The following NRXN3 variants were observed in gnomAD, a reference collection of about 807,000 sequenced individuals.
NRXN3 encodes neurexin 3, also known as neurexin III.
Under a neutral mutation model 137.6 loss-of-function variants are expected in NRXN3, and 32 were observed. The ratio of observed to expected loss-of-function variants is 0.23; its 90% CI spans 0.18 to 0.31. The LOEUF (loss-of-function observed/expected upper bound fraction) is 0.31. Among genes scored for constraint, NRXN3 ranks in the 10% least tolerant of loss-of-function variants. NRXN3 has a pLI of 1.00. For synonymous variants in NRXN3, 798 were observed against 784.5 expected, an observed-to-expected ratio of 1.02 and a Z score of -0.29; for missense variants, 1,574 against 2,062.5, an observed-to-expected ratio of 0.76 and a Z score of 4.59.
intron 4 of NRXN3, among the ~76,000 whole-genome samples, chr14:78,302,559 A>G (rs768981566): frequency 6.6e-6 from 1 of 152,002 alleles, no homozygotes; most frequent in Non-Finnish European, 1.5e-5. Context: ...CCTTCTAGCT[A>G]CCTCTCTACA....
intron 1 of NRXN3, among the ~76,000 whole-genome samples, chr14:78,191,954 C>T (rs1025467253): frequency 1.5e-4 from 23 of 152,046 alleles, no homozygotes; most frequent in African/African-American, 4.1e-4. Context: ...GAGATCATGC[C>T]AGCTGGGCCA....
chr14:78,380,046 A>G lies in NRXN3; in HGVS notation c.757+82186A>G, dbSNP rs1455729987. ...ATCTAACAAAATGTGCACAACTTGT[A>G]TGCTGAAAACTGCAATGCTAAAAGA... On this transcript the variant is annotated intron_variant, in intron 4 of 20. Transcript: ENST00000335750. 2.0e-5 allele frequency among the ~76,000 whole-genome samples: 3 copies of G among 152,218 alleles called. No homozygotes were observed. In the East Asian group the frequency reaches 5.8e-4, roughly 29 times the overall value.
At chr14:78,956,151 G>A (rs1033834243) in intron 10 of NRXN3, among the ~76,000 whole-genome samples, 1 of 152,038 alleles carries the variant, frequency 6.6e-6, no homozygotes, top group Non-Finnish European at 1.5e-5. Flanking sequence ...CAGGAATGGG[G>A]CTTTCCACAT....
At chr14:78,624,280 TCA>T (rs902880354) in intron 4 of NRXN3, among the ~76,000 whole-genome samples, 2 of 152,248 alleles carry the variant, frequency 1.3e-5, no homozygotes, top group African/African-American at 2.4e-5. Flanking sequence ...GCCTGAAATT[TCA>T]CAGTTATGTC....
At chr14:78,436,486 G>A (rs1258910456) in intron 4 of NRXN3, among the ~76,000 whole-genome samples, 1 of 152,150 alleles carries the variant, frequency 6.6e-6, no homozygotes, top group East Asian at 1.9e-4. Flanking sequence ...CTATCAATGA[G>A]CAGATTGGGG....
intron 15 of NRXN3, among the ~76,000 whole-genome samples, chr14:79,380,243 G>T (rs1350024229): frequency 6.8e-6 from 1 of 147,210 alleles, no homozygotes; most frequent in South Asian, 2.1e-4. Flanking sequence ...CATGTGCACA[G>T]TGTGCAGGTT....
At chr14:78,633,184 G>A (rs2097536961) in intron 4 of NRXN3, among the ~76,000 whole-genome samples, 1 of 143,866 alleles carries the variant, frequency 7.0e-6, no homozygotes, top group South Asian at 2.2e-4. Flanking sequence ...GAACCCGGGA[G>A]GCAGAGCTTG....
At chr14:79,832,480 C>G (rs2099326899) in intron 20 of NRXN3, among the ~76,000 whole-genome samples, 1 of 152,070 alleles carries the variant, frequency 6.6e-6, no homozygotes, top group Non-Finnish European at 1.5e-5. Flanking sequence ...AACGGTGGTT[C>G]TAAACTAAGG....
chr14:79,414,778 G>A (rs2597087), intron 15 of NRXN3, among the ~76,000 whole-genome samples: 47,850 of 151,818 alleles, frequency 0.32, 8,196 homozygotes, highest in Middle Eastern at 0.53. Context: ...ATCATTAACT[G>A]TAGTCTCCAT....
At chr14:78,563,203 C>T (rs928326945) in intron 4 of NRXN3, among the ~76,000 whole-genome samples, 2 of 152,174 alleles carry the variant, frequency 1.3e-5, no homozygotes, top group African/African-American at 4.8e-5. Flanking sequence ...GACCTAGCTT[C>T]AGGAGTCATT....
chr14:78,991,698 G>A (rs548072727), intron 15 of NRXN3, among the ~76,000 whole-genome samples: 2 of 152,156 alleles, frequency 1.3e-5, no homozygotes, highest in South Asian at 4.1e-4. Flanking sequence ...GACTTGTAAG[G>A]CTCTAAAAAT....
chr14:78,422,898 A>C (rs1419166352), intron 4 of NRXN3, among the ~76,000 whole-genome samples: 1 of 152,220 alleles, frequency 6.6e-6, no homozygotes, highest in Non-Finnish European at 1.5e-5. Flanking sequence ...AATCCTCCCC[A>C]AGAGAGACGT....
intron 15 of NRXN3, among the ~76,000 whole-genome samples, chr14:78,998,230 GA>G (rs762167335): frequency 6.6e-6 from 1 of 152,116 alleles, no homozygotes; most frequent in Non-Finnish European, 1.5e-5. Context: ...CATTTAGGTT[GA>G]AAATTGATGC....
At chr14:79,292,461 T>A (rs1013439994) in intron 15 of NRXN3, among the ~76,000 whole-genome samples, 1 of 152,208 alleles carries the variant, frequency 6.6e-6, no homozygotes, top group Non-Finnish European at 1.5e-5. Flanking sequence ...AACCAAACTT[T>A]CCTGATTTTA....
intron 10 of NRXN3, among the ~76,000 whole-genome samples, chr14:78,836,559 A>G (rs933021970): frequency 1.5e-4 from 23 of 152,196 alleles, no homozygotes; most frequent in Admixed American, 2.6e-4. Context: ...ACCACAACTC[A>G]GGAACCCTAG....
At chr14:78,707,535 A>G (rs961506026) in intron 6 of NRXN3, among the ~76,000 whole-genome samples, 13 of 152,200 alleles carry the variant, frequency 8.5e-5, no homozygotes, top group Admixed American at 2.0e-4. Flanking sequence ...TAGATGGATT[A>G]TACCTGGTTT....
At chr14:79,799,771 C>T (rs979423530) in intron 19 of NRXN3, among the ~76,000 whole-genome samples, 2 of 152,176 alleles carry the variant, frequency 1.3e-5, no homozygotes, top group African/African-American at 4.8e-5. Context: ...CTTGCTATTT[C>T]CTTCCTTCAC....
chr14:79,016,254 T>A (rs2370894), intron 15 of NRXN3, among the ~76,000 whole-genome samples: 150,920 of 151,946 alleles, frequency 0.99, 74,970 homozygotes, highest in Middle Eastern at 1. Context: ...GGCCATCCTT[T>A]TCTACACTTC....
At position 78,643,778 on chromosome 14, in the gene NRXN3, T is replaced by C. The variant is rs147878237; in HGVS notation, c.758-1342T>C. Among the ~76,000 whole-genome samples, 305 of 152,280 alleles carry C rather than the reference T, an allele frequency of 2.0e-3. 2 individuals carry two copies. The highest frequency in any genetic ancestry group is 0.017 in the Middle Eastern group (5 of 294). ...GCCCCAGCCTAATGGAGAAGCCTTA[T>C]CCACATCTCTGCAAATAGTCTCCCA... On this transcript the variant is annotated intron_variant, in intron 4 of 20. Transcript: ENST00000335750.
Sources: allele counts gnomAD v4.1 joint callset (sites outside exome capture counted in the v4.1 genomes callset), GRCh38; gene constraint gnomAD v4.1.1; transcripts MANE v1.5; gene names NCBI Gene and HGNC (gene_info 2026-07-23, HGNC 2026-07-21).